MTUS2: variants seen among roughly 807,000 people sequenced by gnomAD.
MTUS2 encodes microtubule associated scaffold protein 2, also known as microtubule-associated tumor suppressor candidate 2.
A neutral mutation model predicts 114.1 loss-of-function variants in MTUS2; 40 were observed. The ratio of observed to expected loss-of-function variants is 0.35; its 90% CI spans 0.27 to 0.46. The LOEUF is 0.46. MTUS2 is among the 20% of genes least tolerant of loss of function. The pLI, the probability that MTUS2 is intolerant of heterozygous loss-of-function variation, is 1.00. For missense variants in MTUS2, 1,679 were observed against 1,705.4 expected (o/e 0.98, Z 0.27); for synonymous variants, 688 against 672.0 (o/e 1.02, Z -0.37).
chr13:29,030,366 G>A (rs557407248), intron 3 of MTUS2, among the ~76,000 whole-genome samples: 4 of 152,252 alleles, frequency 2.6e-5, no homozygotes, highest in South Asian at 2.1e-4. Flanking sequence ...TTTGGGCCTC[G>A]ACTTTACAAG....
At chr13:29,053,561 A>G (rs1221705028) in intron 4 of MTUS2, among the ~76,000 whole-genome samples, 1 of 152,190 alleles carries the variant, frequency 6.6e-6, no homozygotes, top group African/African-American at 2.4e-5. Context: ...CCCTTACTAG[A>G]CAATTCCCAA....
At chr13:29,007,803 A>C (rs904943975) in intron 2 of MTUS2, among the ~76,000 whole-genome samples, 2 of 152,202 alleles carry the variant, frequency 1.3e-5, no homozygotes, top group African/African-American at 4.8e-5. Context: ...CACATACAAA[A>C]TATATGGTAA....
At chr13:28,917,580 A>G (rs560759524) in intron 2 of MTUS2, among the ~76,000 whole-genome samples, 181 of 145,712 alleles carry the variant, frequency 1.2e-3, no homozygotes, top group African/African-American at 4.4e-3. Context: ...TTTTTTTTTC[A>G]TTTCTGATTT....
intron 5 of MTUS2, among the ~76,000 whole-genome samples, chr13:29,114,418 A>C (rs1406082615): frequency 1.3e-5 from 2 of 152,228 alleles, no homozygotes; most frequent in African/African-American, 4.8e-5. Context: ...GATCAGAGCC[A>C]TATCCATCCT....
At chr13:29,312,628 G>T (rs1404658639) in intron 6 of MTUS2, among the ~76,000 whole-genome samples, 1 of 152,172 alleles carries the variant, frequency 6.6e-6, no homozygotes, top group Non-Finnish European at 1.5e-5. Context: ...TTGGCTTAAT[G>T]AAAACTGCCA....
intron 2 of MTUS2, among the ~76,000 whole-genome samples, chr13:28,923,534 C>A (rs926118157): frequency 1.3e-5 from 2 of 152,158 alleles, no homozygotes; most frequent in African/African-American, 4.8e-5. Context: ...CCCTCTGGTC[C>A]CTGCTGGTGC....
chr13:29,223,140 G>T (rs1268713097), intron 5 of MTUS2, among the ~76,000 whole-genome samples: 1 of 152,184 alleles, frequency 6.6e-6, no homozygotes, highest in African/African-American at 2.4e-5. Flanking sequence ...CCTCATGTCA[G>T]GGATAGCCCA....
At chr13:29,461,485 C>A (rs1879491390) in intron 9 of MTUS2, among the ~76,000 whole-genome samples, 1 of 152,220 alleles carries the variant, frequency 6.6e-6, no homozygotes, top group Non-Finnish European at 1.5e-5. Context: ...AAGATACATA[C>A]AAATACCTCA....
intron 8 of MTUS2, among the ~76,000 whole-genome samples, chr13:29,433,619 G>A (rs1310629231): frequency 2.0e-5 from 3 of 152,192 alleles, no homozygotes; most frequent in Non-Finnish European, 4.4e-5. Context: ...CATAGTATTA[G>A]TATTGAAAAC....
intron 7 of MTUS2, among the ~76,000 whole-genome samples, chr13:29,346,609 A>AAGCAAGCGGGACTTAC (rs200334533): frequency 2.9e-5 from 1 of 34,178 alleles, no homozygotes; most frequent in African/African-American, 5.4e-5. Flanking sequence ...CCTGCTGAGA[A>AAGCAAGCGGGACTTAC]AGGTTTCACG....
chr13:28,861,908 C>T (rs931070107), intron 2 of MTUS2, among the ~76,000 whole-genome samples: 6 of 152,088 alleles, frequency 3.9e-5, no homozygotes, highest in Non-Finnish European at 7.4e-5. Flanking sequence ...AACCCCCATA[C>T]GCTCCTTCCC....
intron 5 of MTUS2, among the ~76,000 whole-genome samples, chr13:29,264,780 A>G (rs1897606361): frequency 6.6e-6 from 1 of 152,250 alleles, no homozygotes; most frequent in Admixed American, 6.5e-5. Context: ...AAGGCTGCAC[A>G]GGGCAGCAGG....
intron 1 of MTUS2, among the ~76,000 whole-genome samples, chr13:28,828,547 A>T (rs1362005300): frequency 6.6e-6 from 1 of 152,226 alleles, no homozygotes; most frequent in East Asian, 1.9e-4. Flanking sequence ...TAAAATTATT[A>T]ATTTGGGGAA....
chr13:29,273,540 T>C (rs1897953742), intron 5 of MTUS2, among the ~76,000 whole-genome samples: 1 of 152,182 alleles, frequency 6.6e-6, no homozygotes, highest in East Asian at 1.9e-4. Flanking sequence ...TCTTTTGAGA[T>C]TTTTCTTAAA....
chr13:29,503,351 C>T lies in MTUS2; in HGVS notation c.*145C>T. The T allele has an allele frequency of 4.9e-6, 4 of 809,614 alleles. No homozygotes were observed. The highest frequency in any genetic ancestry group is 7.8e-6 in the Non-Finnish European group (4 of 513,470). 50.2% of individuals were successfully genotyped at this position (809,614 alleles called of 1,614,324 possible). ...TCCTAGGCGCGTCCTCCTCTGATCC[C>T]CGTGTAAGACTGCCCTGGTGTCGGC... On this transcript the variant is annotated 3_prime_UTR_variant, in exon 16 of 16. Coordinates refer to ENST00000612955, the MANE Select transcript of MTUS2 (RefSeq NM_001033602.4).
At chr13:28,905,681 T>C (rs575628822) in intron 2 of MTUS2, among the ~76,000 whole-genome samples, 2 of 151,736 alleles carry the variant, frequency 1.3e-5, no homozygotes, top group African/African-American at 2.4e-5. Context: ...GATTTTTGCA[T>C]CAATGTTCAT....
rs141769630 is a variant in MTUS2 at position 28,967,696 on chromosome 13, C to G, written c.-242-56761C>G. On this transcript the variant is annotated intron_variant, in intron 2 of 15. Transcript: ENST00000612955. ...AGCTCCGTGGCCCTTCTCATTTCCC[C>G]CTTCTCAAGTCAGCCACCTCACACA... 1.7e-3 allele frequency among the ~76,000 whole-genome samples: 264 copies of G among 152,256 alleles called. 1 individual carries two copies. Among genetic ancestry groups the G allele is most frequent in the African/African-American group, 5.8e-3 (242 of 41,538 alleles).
intron 8 of MTUS2, among the ~76,000 whole-genome samples, chr13:29,434,646 C>CA (rs1220487675): frequency 6.6e-6 from 1 of 152,182 alleles, no homozygotes; most frequent in East Asian, 1.9e-4. Flanking sequence ...GGCTGATGCC[C>CA]AAGCAGAGAA....
At chr13:29,165,870 G>C (rs755639768) in intron 5 of MTUS2, among the ~76,000 whole-genome samples, 1 of 152,184 alleles carries the variant, frequency 6.6e-6, no homozygotes, top group Non-Finnish European at 1.5e-5. Context: ...AATTGATGCA[G>C]TGAGGAAGCA....
Sources: gnomAD v4.1 joint callset for allele counts (sites outside exome capture counted in the v4.1 genomes callset) on GRCh38, gnomAD v4.1.1 for gene constraint, MANE v1.5 for transcripts, NCBI Gene and HGNC (gene_info 2026-07-23, HGNC 2026-07-21) for gene names.